Variants in PLA2G5 observed in about 807,000 individuals in gnomAD.
The protein encoded by PLA2G5 is Ca2+-dependent phospholipase A2.
PLA2G5 carries 12 observed loss-of-function variants against 15.9 expected under a neutral mutation model. That is an observed-to-expected ratio of 0.76 (90% CI 0.48 to 1.23). The LOEUF (loss-of-function observed/expected upper bound fraction) is 1.23, where lower values mean the gene tolerates loss of function less well. Ranked by LOEUF, PLA2G5 falls within the 50% of genes most tolerant of loss-of-function variation. The pLI, the probability that PLA2G5 is intolerant of heterozygous loss-of-function variation, is 0.00. For missense variants in PLA2G5, 169 were observed against 177.1 expected, an observed-to-expected ratio of 0.95 and a Z score of 0.26; for synonymous variants, 71 against 71.4, an observed-to-expected ratio of 0.99 and a Z score of 0.03.
intron 1 of PLA2G5, among the ~76,000 whole-genome samples, chr1:20,040,616 A>G (rs2013539054): frequency 6.6e-6 from 1 of 151,856 alleles, no homozygotes; most frequent in Admixed American, 6.6e-5. Context: ...AAACACTCAC[A>G]CTCATTTACT....
intron 2 of PLA2G5, among the ~76,000 whole-genome samples, chr1:20,061,378 A>G (rs945426183): frequency 2.6e-4 from 40 of 152,042 alleles, no homozygotes; most frequent in African/African-American, 8.5e-4. Context: ...TGAGCTCAGG[A>G]GTTCGAGATC....
In PLA2G5 at chr1:20,091,276, A is replaced by G. The variant is rs1456366357; in HGVS notation, c.*584A>G. On this transcript the variant is annotated 3_prime_UTR_variant, in exon 5 of 5. Transcript: ENST00000375108. ...CATTATCTCCGAAACAGAAGGGAAG[A>G]TTAGTAAATGCAGGGTTTTCTGGGA... 6.6e-6 allele frequency: 1 copy of G among 152,358 alleles called. No individual in the cohort carries two copies. The highest frequency in any genetic ancestry group is 2.4e-5 in the African/African-American group (1 of 41,466). 9.4% of individuals were successfully genotyped at this position (152,358 alleles called of 1,614,324 possible).
intron 1 of PLA2G5, among the ~76,000 whole-genome samples, chr1:20,033,201 G>A (rs376807823): frequency 4.6e-5 from 7 of 152,132 alleles, no homozygotes; most frequent in African/African-American, 1.7e-4. Context: ...GTTTGTTTTT[G>A]GCAATGATGA....
At chr1:20,035,659 A>G (rs758322998) in intron 1 of PLA2G5, among the ~76,000 whole-genome samples, 15 of 152,214 alleles carry the variant, frequency 9.9e-5, no homozygotes, top group Non-Finnish European at 1.2e-4. Flanking sequence ...TGATTGGTGA[A>G]TTCTTATCTA....
intron 1 of PLA2G5, among the ~76,000 whole-genome samples, chr1:20,055,995 A>G (rs1460595458): frequency 1.3e-5 from 2 of 152,152 alleles, no homozygotes; most frequent in Admixed American, 6.5e-5. Flanking sequence ...TATTTTCTGC[A>G]TCTTGGCTCA....
intron 1 of PLA2G5, among the ~76,000 whole-genome samples, chr1:20,052,678 T>C (rs1307098517): frequency 6.6e-6 from 1 of 152,178 alleles, no homozygotes. Flanking sequence ...CTCATTTTCT[T>C]CTAAAATTCT....
At position 20,090,912 on chromosome 1, in the gene PLA2G5, C is replaced by T. The variant is rs2016538174; in HGVS notation, c.*220C>T. The T allele has an allele frequency of 6.1e-6, 3 of 491,620 alleles. No individual in the cohort carries two copies. The Admixed American group carries it at 1.0e-4, about 17-fold the overall frequency. The allele number at this position is 491,620 out of a possible 1,614,324, so 30.5% of individuals were successfully genotyped here. A position where few individuals can be genotyped will look rare whatever the true frequency, so the allele number is the denominator to read the frequency against. ...GTAGGGTCCCAGGGTCCCTAGGCCTCCACTTCTGAGGGCAGCCCCTCTGGT... is the reference window on the plus strand; with the variant it reads ...GTAGGGTCCCAGGGTCCCTAGGCCTTCACTTCTGAGGGCAGCCCCTCTGGT... On this transcript the variant is annotated 3_prime_UTR_variant, in exon 5 of 5. Coordinates refer to ENST00000375108, the MANE Select transcript of PLA2G5 (RefSeq NM_000929.3).
chr1:20,032,228 T>C (rs773910765), intron 1 of PLA2G5, among the ~76,000 whole-genome samples: 5 of 152,190 alleles, frequency 3.3e-5, no homozygotes, highest in Admixed American at 6.5e-5. Flanking sequence ...GTTTAGAGTC[T>C]TCGCTAGCTA....
intron 3 of PLA2G5, among the ~76,000 whole-genome samples, chr1:20,088,472 T>C (rs1476836676): frequency 1.5e-5 from 2 of 137,144 alleles, no homozygotes; most frequent in Non-Finnish European, 1.5e-5. Context: ...AATTATGGCT[T>C]TTTTTTTTTT....
chr1:20,056,487 T>C (rs960511364), intron 1 of PLA2G5, among the ~76,000 whole-genome samples: 9 of 152,188 alleles, frequency 5.9e-5, no homozygotes, highest in African/African-American at 2.2e-4. Context: ...TTGTTTTTCT[T>C]CTTTAGGCTG....
At chr1:20,057,319 C>G (rs818565) in intron 1 of PLA2G5, among the ~76,000 whole-genome samples, 13 of 143,382 alleles carry the variant, frequency 9.1e-5, no homozygotes, top group African/African-American at 3.3e-4. Flanking sequence ...GGTTTTAGGT[C>G]TTTTTTTTTT....
chr1:20,032,262 CT>C (rs2012996637), intron 1 of PLA2G5, among the ~76,000 whole-genome samples: 2 of 152,014 alleles, frequency 1.3e-5, no homozygotes, highest in African/African-American at 4.8e-5. Context: ...GAAACAAATG[CT>C]CGCCTGTTGT....
intron 1 of PLA2G5, among the ~76,000 whole-genome samples, chr1:20,082,242 A>G (rs1368239717): frequency 6.6e-6 from 1 of 151,824 alleles, no homozygotes; most frequent in Non-Finnish European, 1.5e-5. Context: ...TACATGGCAT[A>G]CTTCAGGGGT....
intron 1 of PLA2G5, among the ~76,000 whole-genome samples, chr1:20,029,334 T>TTCCTCCCCTGATAC (rs2012761050): frequency 2.1e-5 from 3 of 145,566 alleles, no homozygotes; most frequent in East Asian, 2.2e-4. Flanking sequence ...GCCACCCGTG[T>TTCCTCCCCTGATAC]GTTCCTCCCC....
Position 20,087,627 on chromosome 1 carries a change from T to G in PLA2G5, c.185+1400T>G, listed in dbSNP as rs942805384. Among the ~76,000 whole-genome samples the G allele has an allele frequency of 4.6e-5, 7 of 152,068 alleles. No homozygotes were observed. The South Asian group carries it at 1.5e-3, about 32-fold the overall frequency. ...GACATCTCAGTAGCAACAAGCACAC[T>G]TAATGCCTAGATCTAGTTTCCAATG... On this transcript the variant is annotated intron_variant, in intron 3 of 4. Transcript: ENST00000375108.
At chr1:20,051,042 G>A (rs565383648) in intron 1 of PLA2G5, among the ~76,000 whole-genome samples, 98 of 152,198 alleles carry the variant, frequency 6.4e-4, no homozygotes, top group Non-Finnish European at 1.3e-3. Flanking sequence ...AATTCTGATT[G>A]ACTTAGTGTA....
intron 1 of PLA2G5, among the ~76,000 whole-genome samples, chr1:20,071,141 G>C (rs2100534694): frequency 6.6e-6 from 1 of 152,134 alleles, no homozygotes; most frequent in South Asian, 2.1e-4. Context: ...TTTTCTTCAA[G>C]CCTCAGTGTC....
intron 1 of PLA2G5, among the ~76,000 whole-genome samples, chr1:20,051,242 T>A (rs2014165219): frequency 6.6e-6 from 1 of 152,212 alleles, no homozygotes. Context: ...GCTATTATAA[T>A]CAGTTATGAA....
At chr1:20,034,588 A>G (rs1033203628) in intron 1 of PLA2G5, among the ~76,000 whole-genome samples, 1 of 152,132 alleles carries the variant, frequency 6.6e-6, no homozygotes, top group African/African-American at 2.4e-5. Flanking sequence ...TTGAGCTTGT[A>G]AAAGTTTACA....
Sources: allele counts gnomAD v4.1 joint callset (sites outside exome capture counted in the v4.1 genomes callset), GRCh38; gene constraint gnomAD v4.1.1; transcripts MANE v1.5; gene names NCBI Gene and HGNC (gene_info 2026-07-23, HGNC 2026-07-21).